Variants in TRIM44 observed in about 807,000 individuals in gnomAD.
The protein encoded by TRIM44 is tripartite motif containing 44.
Under a neutral mutation model 37.4 loss-of-function variants are expected in TRIM44, and 13 were observed. The observed-to-expected ratio is 0.35, with a 90% CI of 0.23 to 0.55. The LOEUF (loss-of-function observed/expected upper bound fraction) is 0.55, where lower values mean the gene tolerates loss of function less well. Ranked by LOEUF, TRIM44 falls within the 20% of genes least tolerant of loss-of-function variation. The pLI is 0.89. For missense variants in TRIM44, 426 were observed against 437.2 expected, an observed-to-expected ratio of 0.97 and a Z score of 0.23; for synonymous variants, 175 against 157.2, an observed-to-expected ratio of 1.11 and a Z score of -0.85.
intron 4 of TRIM44, among the ~76,000 whole-genome samples, chr11:35,805,843 T>C (rs976983750): frequency 6.6e-6 from 1 of 152,182 alleles, no homozygotes; most frequent in African/African-American, 2.4e-5. Flanking sequence ...GTACCTTCTC[T>C]GACGAGGTGG....
chr11:35,758,436 G>A (rs1936347857), intron 4 of TRIM44, among the ~76,000 whole-genome samples: 1 of 152,090 alleles, frequency 6.6e-6, no homozygotes, highest in South Asian at 2.1e-4. Context: ...ACACTGATGG[G>A]TCTTGACTCT....
At position 35,807,975 on chromosome 11, in the gene TRIM44, T is replaced by A. The variant is rs1481564743; in HGVS notation, c.*1590T>A. 1 of 152,176 alleles carries A rather than the reference T, an allele frequency of 6.6e-6. No individual in the cohort carries two copies. The highest frequency in any genetic ancestry group is 2.4e-5 in the African/African-American group (1 of 41,460). The allele number at this position is 152,176 out of a possible 1,614,324, so 9.4% of individuals were successfully genotyped here. A position where few individuals can be genotyped will look rare whatever the true frequency, so the allele number is the denominator to read the frequency against. ...TGTCTGCCTGTGACCTGTGTACGTA[T>A]TACAGGCTTTAGGACCAGCTGATTG... On this transcript the variant is annotated 3_prime_UTR_variant, in exon 5 of 5. Transcript: ENST00000299413.
At chr11:35,721,950 C>T (rs1400143786) in intron 2 of TRIM44, among the ~76,000 whole-genome samples, 1 of 152,176 alleles carries the variant, frequency 6.6e-6, no homozygotes, top group Non-Finnish European at 1.5e-5. Context: ...TGCCTGCCCT[C>T]ACTGGAGTCT....
Position 35,817,799 on chromosome 11 carries a change from G to C in TRIM44, c.*11414G>C, listed in dbSNP as rs1000417910. 3 of 152,138 alleles carry C rather than the reference G, an allele frequency of 2.0e-5. No homozygotes were observed. Among genetic ancestry groups the C allele is most frequent in the Non-Finnish European group, 2.9e-5 (2 of 68,036 alleles). 9.4% of individuals were successfully genotyped at this position (152,138 alleles called of 1,614,324 possible). A position where few individuals can be genotyped will look rare whatever the true frequency, so the allele number is the denominator to read the frequency against. On this transcript the variant is annotated 3_prime_UTR_variant, in exon 5 of 5. Transcript: ENST00000299413. ...ATCCGCCCTTTGTTGTCATGATAGT[G>C]AGTTCTTGTGAGATCTGGTTGTTTA... is the stretch of plus-strand genomic sequence containing the variant.
intron 1 of TRIM44, among the ~76,000 whole-genome samples, chr11:35,670,574 A>G (rs1304073065): frequency 2.0e-5 from 3 of 152,230 alleles, no homozygotes; most frequent in South Asian, 4.1e-4. Context: ...AAATCACTCC[A>G]TAGATTTGCT....
At chr11:35,693,684 C>G (rs1376471575) in intron 2 of TRIM44, among the ~76,000 whole-genome samples, 1 of 152,144 alleles carries the variant, frequency 6.6e-6, no homozygotes, top group Non-Finnish European at 1.5e-5. Flanking sequence ...TGACCAGGTT[C>G]TCACTTAGGT....
In TRIM44 at chr11:35,766,522, A is replaced by G. The variant is rs556754531; in HGVS notation, c.1007+31077A>G. Among the ~76,000 whole-genome samples the G allele has an allele frequency of 3.9e-5, 6 of 152,352 alleles. No homozygotes were observed. The South Asian group carries it at 1.2e-3, about 32-fold the overall frequency. ...AACGAAAGTTTTTCATAGTTGGACA[A>G]CAGAGTGCTCCTACATGCCCACATT... is the stretch of plus-strand genomic sequence containing the variant. On this transcript the variant is annotated intron_variant, in intron 4 of 4. Coordinates refer to ENST00000299413, the MANE Select transcript of TRIM44 (RefSeq NM_017583.6).
chr11:35,758,484 A>C (rs544574605), intron 4 of TRIM44, among the ~76,000 whole-genome samples: 16 of 152,270 alleles, frequency 1.1e-4, no homozygotes, highest in Non-Finnish European at 2.2e-4. Context: ...TAATTGGAGC[A>C]TTTAGCCCAT....
At position 35,806,782 on chromosome 11, in the gene TRIM44, A is replaced by G. The variant is rs1853457412; in HGVS notation, c.*397A>G. 5.7e-6 allele frequency: 1 copy of G among 176,506 alleles called. No individual in the cohort carries two copies. The highest frequency in any genetic ancestry group is 1.2e-5 in the Non-Finnish European group (1 of 82,878). 10.9% of individuals were successfully genotyped at this position (176,506 alleles called of 1,614,324 possible). ...GGAAGTCAGAGTTTTCTCCCTGCCT[A>G]TTAACAAAAACCCAATTTTGTTCAT... is the stretch of plus-strand genomic sequence containing the variant. On this transcript the variant is annotated 3_prime_UTR_variant, in exon 5 of 5. Coordinates refer to ENST00000299413, the MANE Select transcript of TRIM44 (RefSeq NM_017583.6).
At position 35,809,304 on chromosome 11, in the gene TRIM44, C is replaced by G. The variant is rs972779751; in HGVS notation, c.*2919C>G. The G allele has an allele frequency of 2.0e-5, 3 of 152,176 alleles. No homozygotes were observed. The allele number at this position is 152,176 out of a possible 1,614,324, so 9.4% of individuals were successfully genotyped here. ...AAGCCAAATCTTGAACGCAGCTCCCCCTAATTCTGTGGACAGGCACTTTGT... is the reference window on the plus strand; with the variant it reads ...AAGCCAAATCTTGAACGCAGCTCCCGCTAATTCTGTGGACAGGCACTTTGT... On this transcript the variant is annotated 3_prime_UTR_variant, in exon 5 of 5. Transcript: ENST00000299413.
intron 4 of TRIM44, among the ~76,000 whole-genome samples, chr11:35,773,955 A>G (rs1294669963): frequency 6.6e-6 from 1 of 152,224 alleles, no homozygotes; most frequent in East Asian, 1.9e-4. Flanking sequence ...TCTTTATGGC[A>G]GCATGATTTA....
chr11:35,760,541 G>A (rs539165704), intron 4 of TRIM44, among the ~76,000 whole-genome samples: 14 of 152,284 alleles, frequency 9.2e-5, no homozygotes, highest in African/African-American at 3.4e-4. Context: ...AGATGAACCC[G>A]GTACCTCAGT....
At chr11:35,702,097 C>T (rs1851795823) in intron 2 of TRIM44, among the ~76,000 whole-genome samples, 1 of 152,242 alleles carries the variant, frequency 6.6e-6, no homozygotes. Context: ...CAACATTTTT[C>T]ATTCTGGCCA....
intron 4 of TRIM44, among the ~76,000 whole-genome samples, chr11:35,757,688 G>C (rs1193494367): frequency 6.6e-6 from 1 of 152,116 alleles, no homozygotes; most frequent in Non-Finnish European, 1.5e-5. Flanking sequence ...CAGAGATTCT[G>C]GTATGCTGTG....
intron 3 of TRIM44, among the ~76,000 whole-genome samples, chr11:35,733,518 C>T (rs188094927): frequency 1.5e-3 from 226 of 152,080 alleles, no homozygotes; most frequent in African/African-American, 5.1e-3. Flanking sequence ...GATAAAAATG[C>T]GAAGAAATTT....
At chr11:35,667,512 G>C (rs1342070359) in intron 1 of TRIM44, among the ~76,000 whole-genome samples, 1 of 152,106 alleles carries the variant, frequency 6.6e-6, no homozygotes, top group Non-Finnish European at 1.5e-5. Flanking sequence ...TAGGACTACA[G>C]GTGTGCCACC....
chr11:35,705,088 C>T (rs1396579180), intron 2 of TRIM44, among the ~76,000 whole-genome samples: 16 of 147,034 alleles, frequency 1.1e-4, no homozygotes, highest in African/African-American at 3.5e-4. Context: ...CAATGGAAAA[C>T]AAAAAAAGGC....
intron 2 of TRIM44, among the ~76,000 whole-genome samples, chr11:35,691,567 T>A (rs1851636417): frequency 6.6e-6 from 1 of 152,244 alleles, no homozygotes; most frequent in Admixed American, 6.5e-5. Context: ...TAGTCTATAG[T>A]TGGGCAAAAT....
rs374943919 is a variant in TRIM44, at chr11:35,663,639, G to A, written c.528G>A (p.Lys176=). The A allele has an allele frequency of 1.3e-5, 21 of 1,614,072 alleles. No individual in the cohort carries two copies. Among genetic ancestry groups the A allele is most frequent in the Non-Finnish European group, 2.5e-6 (3 of 1,180,042 alleles). ...AAATGGAAGCAGAGAGAGTGGCCAA[G>A]AGGAAGTGTCCGGACCATGGGCTTG... The part of the protein sequence containing the change: ...EIEMEAERVA[K]RKCPDHGLDL... The change falls in exon 1 of 5, where the codon AAG becomes AAA. Residue 176 remains lysine, a synonymous_variant. Coordinates refer to ENST00000299413, the MANE Select transcript of TRIM44 (RefSeq NM_017583.6).
Sources: gnomAD v4.1 joint callset for allele counts (sites outside exome capture counted in the v4.1 genomes callset) on GRCh38, gnomAD v4.1.1 for gene constraint, MANE v1.5 for transcripts, NCBI Gene and HGNC (gene_info 2026-07-23, HGNC 2026-07-21) for gene names.